Variants in KHDRBS2 observed in about 807,000 individuals in gnomAD.
The protein encoded by KHDRBS2 is KH RNA binding domain containing, signal transduction associated 2.
In KHDRBS2, 26 loss-of-function variants were observed where a neutral mutation model predicts 44.3. That is an observed-to-expected ratio of 0.59 (90% CI 0.43 to 0.81). The LOEUF is 0.81. Ranked by LOEUF, KHDRBS2 falls within the 40% of genes least tolerant of loss-of-function variation. KHDRBS2 has a pLI of 0.00. For synonymous variants in KHDRBS2, 194 were observed against 151.1 expected (o/e 1.28, Z -2.08); for missense variants, 476 against 433.1 (o/e 1.10, Z -0.88).
At chr6:61,809,627 A>G (rs1038805569) in intron 6 of KHDRBS2, among the ~76,000 whole-genome samples, 2 of 152,164 alleles carry the variant, frequency 1.3e-5, no homozygotes, top group African/African-American at 2.4e-5. Flanking sequence ...AAATCTTTTT[A>G]TTAAGCTTTG....
At chr6:61,959,365 T>C (rs1325286624) in intron 4 of KHDRBS2, among the ~76,000 whole-genome samples, 1 of 152,140 alleles carries the variant, frequency 6.6e-6, no homozygotes, top group African/African-American at 2.4e-5. Context: ...CAGATTTCTT[T>C]TGGCATTAAC....
chr6:62,243,151 CAATAT>C (rs779201224), intron 1 of KHDRBS2, among the ~76,000 whole-genome samples: 1 of 151,824 alleles, frequency 6.6e-6, no homozygotes, highest in Non-Finnish European at 1.5e-5. Flanking sequence ...TCTAGAAATA[CAATAT>C]AATATATATA....
intron 2 of KHDRBS2, among the ~76,000 whole-genome samples, chr6:62,110,481 T>C (rs537444330): frequency 1.3e-5 from 2 of 152,150 alleles, no homozygotes; most frequent in African/African-American, 4.8e-5. Context: ...ACCTGTAATA[T>C]AGCCATACAA....
chr6:61,717,845 T>G (rs1376055184), intron 7 of KHDRBS2, among the ~76,000 whole-genome samples: 1 of 152,132 alleles, frequency 6.6e-6, no homozygotes, highest in Non-Finnish European at 1.5e-5. Flanking sequence ...CCCTATTTTC[T>G]TATATTAAAT....
chr6:61,984,879 A>G (rs1774730583), intron 3 of KHDRBS2, among the ~76,000 whole-genome samples: 1 of 152,240 alleles, frequency 6.6e-6, no homozygotes, highest in Non-Finnish European at 1.5e-5. Flanking sequence ...TAAAAAAACT[A>G]CGCAATTAAA....
At chr6:61,846,083 T>G (rs1009182331) in intron 6 of KHDRBS2, among the ~76,000 whole-genome samples, 75 of 152,288 alleles carry the variant, frequency 4.9e-4, no homozygotes, top group African/African-American at 1.7e-3. Context: ...CCATTTGGCC[T>G]TCCGCCCTGA....
At chr6:62,010,367 G>A (rs1780066589) in intron 3 of KHDRBS2, among the ~76,000 whole-genome samples, 1 of 152,184 alleles carries the variant, frequency 6.6e-6, no homozygotes, top group African/African-American at 2.4e-5. Context: ...AGGCTCATAG[G>A]TGGAAGGGAC....
At chr6:62,085,591 T>C (rs974018694) in intron 2 of KHDRBS2, among the ~76,000 whole-genome samples, 1 of 152,172 alleles carries the variant, frequency 6.6e-6, no homozygotes, top group African/African-American at 2.4e-5. Context: ...ACGTGTTATA[T>C]TAAGCACAAA....
intron 2 of KHDRBS2, among the ~76,000 whole-genome samples, chr6:62,169,172 T>C (rs1292211279): frequency 6.6e-5 from 8 of 121,044 alleles, no homozygotes; most frequent in African/African-American, 3.2e-4. Flanking sequence ...CACATATATG[T>C]ATATATGTAT....
At chr6:61,884,801 A>G (rs1278193154) in intron 6 of KHDRBS2, among the ~76,000 whole-genome samples, 3 of 151,910 alleles carry the variant, frequency 2.0e-5, no homozygotes, top group African/African-American at 7.3e-5. Flanking sequence ...CAAGAAACTA[A>G]GGTTACACAG....
the KHDRBS2 span, among the ~76,000 whole-genome samples, chr6:61,551,800 C>T: frequency 1.3e-5 from 2 of 152,256 alleles, no homozygotes; most frequent in Admixed American, 1.3e-4. Context: ...TAACATGATG[C>T]CTTCTGCTCT....
At chr6:61,968,673 T>C (rs1309761437) in intron 4 of KHDRBS2, among the ~76,000 whole-genome samples, 2 of 152,012 alleles carry the variant, frequency 1.3e-5, no homozygotes, top group Admixed American at 1.3e-4. Flanking sequence ...ACACAAACCA[T>C]GCCACCTGCA....
At chr6:61,930,547 A>G (rs1583565660) in intron 4 of KHDRBS2, among the ~76,000 whole-genome samples, 2 of 38,608 alleles carry the variant, frequency 5.2e-5, no homozygotes, top group South Asian at 9.0e-4. Flanking sequence ...AAAAAAAAAG[A>G]AAAAAAAAAA....
the KHDRBS2 span, among the ~76,000 whole-genome samples, chr6:61,671,878 G>C: frequency 6.6e-6 from 1 of 151,458 alleles, no homozygotes; most frequent in African/African-American, 2.4e-5. Context: ...TTAAGTTTTA[G>C]GGTACATGTG....
At chr6:62,018,172 T>A (rs1171693012) in intron 3 of KHDRBS2, among the ~76,000 whole-genome samples, 1 of 150,410 alleles carries the variant, frequency 6.6e-6, no homozygotes, top group Admixed American at 6.7e-5. Flanking sequence ...AGACGGAGTC[T>A]TGCTCCGTCT....
chr6:61,955,054 ATG>A (rs1562516164), intron 4 of KHDRBS2, among the ~76,000 whole-genome samples: 1 of 144,776 alleles, frequency 6.9e-6, no homozygotes, highest in African/African-American at 2.5e-5. Flanking sequence ...GTATACATAT[ATG>A]TATGTATACA....
intron 4 of KHDRBS2, among the ~76,000 whole-genome samples, chr6:61,904,318 A>C (rs1031935673): frequency 6.6e-6 from 1 of 152,200 alleles, no homozygotes; most frequent in Non-Finnish European, 1.5e-5. Flanking sequence ...CTAGACAGAA[A>C]TCTACTAACA....
chr6:62,156,757 C>T (rs1816489034), intron 2 of KHDRBS2, among the ~76,000 whole-genome samples: 1 of 151,658 alleles, frequency 6.6e-6, no homozygotes, highest in African/African-American at 2.4e-5. Context: ...CTGCAAGCTC[C>T]GCCTCCCGGG....
the KHDRBS2 span, among the ~76,000 whole-genome samples, chr6:61,663,897 G>A: frequency 5.6e-3 from 843 of 151,684 alleles, 11 homozygotes; most frequent in African/African-American, 0.019. Flanking sequence ...AGGGAGTAAA[G>A]AGCATATATC....
Sources: gnomAD v4.1 joint callset for allele counts (sites outside exome capture counted in the v4.1 genomes callset) on GRCh38, gnomAD v4.1.1 for gene constraint, MANE v1.5 for transcripts, NCBI Gene and HGNC (gene_info 2026-07-23, HGNC 2026-07-21) for gene names.